SNU13: variants seen among roughly 807,000 people sequenced by gnomAD.
SNU13 encodes small nuclear ribonucleoprotein 13, also known as NHP2-like protein 1.
Under a neutral mutation model 12.4 loss-of-function variants are expected in SNU13, and 2 were observed. The observed-to-expected ratio is 0.16, with a 90% CI of 0.07 to 0.51. The LOEUF (loss-of-function observed/expected upper bound fraction) is 0.51. Among genes scored for constraint, SNU13 ranks in the 20% least tolerant of loss-of-function variants. SNU13 has a pLI of 0.96. For missense variants in SNU13, 66 were observed against 157.8 expected (o/e 0.42, Z 3.12); for synonymous variants, 68 against 66.5 (o/e 1.02, Z -0.11).
rs2068197665 is a variant in SNU13 at position 41,674,911 on chromosome 22, G to A, written c.*22C>T. ...ACCTCAGGGGGGAAGCTGGCAGGGAGCACGTGGCAGAGGCCACAGGTTTAG... is the reference window on the plus strand; with the variant it reads ...ACCTCAGGGGGGAAGCTGGCAGGGAACACGTGGCAGAGGCCACAGGTTTAG... On this transcript the variant is annotated 3_prime_UTR_variant, in exon 3 of 3. Coordinates refer to ENST00000401959, the MANE Select transcript of SNU13 (RefSeq NM_001003796.2). 6.2e-7 allele frequency: 1 copy of A among 1,605,000 alleles called. No homozygotes were observed. The highest frequency in any genetic ancestry group is 2.2e-5 in the East Asian group (1 of 44,652).
At chr22:41,688,916 C>A (rs182469753), upstream of SNU13, 1 of 1,456,940 alleles carries the variant, frequency 6.9e-7, no homozygotes, top group East Asian at 2.4e-5. Context: ...CGGCAGGAAG[C>A]GAAGGTGACG....
At chr22:41,678,159 T>G (rs985784462) in intron 2 of SNU13, among the ~76,000 whole-genome samples, 1 of 151,830 alleles carries the variant, frequency 6.6e-6, no homozygotes, top group Admixed American at 6.6e-5. Flanking sequence ...GTATTTTTGG[T>G]AGAGATGAGG....
intron 2 of SNU13, among the ~76,000 whole-genome samples, chr22:41,679,134 C>A (rs545264154): frequency 6.6e-6 from 1 of 152,076 alleles, no homozygotes. Flanking sequence ...GGCAGCCGGG[C>A]ACAGTGGCTC....
chr22:41,689,706 G>A (rs1430496613), upstream of SNU13, among the ~76,000 whole-genome samples: 4 of 151,616 alleles, frequency 2.6e-5, no homozygotes, highest in African/African-American at 4.8e-5. Flanking sequence ...GGCCGGGTGC[G>A]GTGGCTCACG....
chr22:41,682,262 T>G (rs1027980543), intron 1 of SNU13: 1 of 1,387,818 alleles, frequency 7.2e-7, no homozygotes, highest in Non-Finnish European at 1.0e-6. Context: ...TCCTTCCGTT[T>G]TTTTACAGCT....
intron 1 of SNU13, chr22:41,687,648 A>C (rs1189465732): frequency 6.6e-6 from 1 of 152,224 alleles, no homozygotes; most frequent in Admixed American, 6.5e-5. Flanking sequence ...TAGCATGATC[A>C]GTTTGGTTTC....
chr22:41,675,211 C>T lies in SNU13; in HGVS notation c.125-16G>A, dbSNP rs767291525. On this transcript the variant is annotated splice_polypyrimidine_tract_variant and intron_variant, in intron 2 of 2. Coordinates refer to ENST00000401959, the MANE Select transcript of SNU13 (RefSeq NM_001003796.2). ...GTTTTGGTGGCTGCGGAGAGAAGGA[C>T]GTGAAGCTAATAGGTGATGTGGGCT... is the stretch of plus-strand genomic sequence containing the variant. 12 of 1,610,042 alleles carry T rather than the reference C, an allele frequency of 7.5e-6. No individual in the cohort carries two copies. The East Asian group carries it at 1.8e-4, about 24-fold the overall frequency.
chr22:41,680,464 C>G, intron 1 of SNU13, 100 bp from the exon 2 acceptor site: 1 of 1,284,148 alleles, frequency 7.8e-7, no homozygotes, highest in South Asian at 1.4e-5. Flanking sequence ...GGGGCAGCTG[C>G]CCTGCTCCCT....
chr22:41,675,203 G>A lies in SNU13; in HGVS notation c.125-8C>T. 6.2e-7 allele frequency: 1 copy of A among 1,611,798 alleles called. No individual in the cohort carries two copies. The highest frequency in any genetic ancestry group is 1.1e-5 in the South Asian group (1 of 91,050). On this transcript the variant is annotated splice_polypyrimidine_tract_variant and splice_region_variant and intron_variant, in intron 2 of 2. Coordinates refer to ENST00000401959, the MANE Select transcript of SNU13 (RefSeq NM_001003796.2). ...TGTTGAGGGTTTTGGTGGCTGCGGAGAGAAGGACGTGAAGCTAATAGGTGA... is the reference window on the plus strand; with the variant it reads ...TGTTGAGGGTTTTGGTGGCTGCGGAAAGAAGGACGTGAAGCTAATAGGTGA...
intron 1 of SNU13, among the ~76,000 whole-genome samples, chr22:41,682,876 TG>T (rs1347601764): frequency 1.3e-5 from 2 of 152,174 alleles, no homozygotes; most frequent in Non-Finnish European, 2.9e-5. Context: ...CTCGAACTCC[TG>T]ATCTCAGGTC....
At position 41,675,199 on chromosome 22, in the gene SNU13, C is replaced by T. The variant is rs773723650; in HGVS notation, c.125-4G>A. ...CCCCTGTTGAGGGTTTTGGTGGCTG[C>T]GGAGAGAAGGACGTGAAGCTAATAG... On this transcript the variant is annotated splice_polypyrimidine_tract_variant and splice_region_variant and intron_variant, in intron 2 of 2. Transcript: ENST00000401959. The T allele has an allele frequency of 2.5e-5, 41 of 1,611,910 alleles. No homozygotes were observed. In the Admixed American group the frequency reaches 3.3e-4, roughly 13 times the overall value.
At chr22:41,680,491 A>G in intron 1 of SNU13, 127 bp from the exon 2 acceptor site, 1 of 913,214 alleles carries the variant, frequency 1.1e-6, no homozygotes, top group Non-Finnish European at 1.6e-6. Flanking sequence ...CAAACACACA[A>G]AACACCAGGT....
intron 1 of SNU13, chr22:41,682,285 C>A (rs374125580): frequency 6.7e-7 from 1 of 1,490,720 alleles, no homozygotes. Flanking sequence ...TCTGACACAG[C>A]GGGACCACGC....
upstream of SNU13, among the ~76,000 whole-genome samples, chr22:41,690,263 G>A (rs2068349179): frequency 6.6e-6 from 1 of 152,154 alleles, no homozygotes; most frequent in African/African-American, 2.4e-5. Context: ...GATAATAGAA[G>A]GACAGGCAGA....
At position 41,674,829 on chromosome 22, in the gene SNU13, A is replaced by G. The variant is rs1601567317; in HGVS notation, c.*104T>C. 4 of 1,447,250 alleles carry G rather than the reference A, an allele frequency of 2.8e-6. No individual in the cohort carries two copies. The East Asian group carries it at 6.9e-5, about 25-fold the overall frequency. 89.7% of individuals were successfully genotyped at this position (1,447,250 alleles called of 1,614,324 possible). A position where few individuals can be genotyped will look rare whatever the true frequency, so the allele number is the denominator to read the frequency against. Reference sequence around the variant, plus strand: ...GAAACCAGATTTAGTACTACATTTTATAACAATAGAGAGTAGCTGAAAATA... The same window carrying G: ...GAAACCAGATTTAGTACTACATTTTGTAACAATAGAGAGTAGCTGAAAATA... On this transcript the variant is annotated 3_prime_UTR_variant, in exon 3 of 3. Transcript: ENST00000401959.
intron 1 of SNU13, chr22:41,682,445 A>T: frequency 6.2e-7 from 1 of 1,609,184 alleles, no homozygotes; most frequent in African/African-American, 1.3e-5. Flanking sequence ...CACCGCAAGG[A>T]CACGGATGCC....
In SNU13 at chr22:41,674,928, C is replaced by T. The variant is rs1216774422; in HGVS notation, c.*5G>A. On this transcript the variant is annotated 3_prime_UTR_variant, in exon 3 of 3. Coordinates refer to ENST00000401959, the MANE Select transcript of SNU13 (RefSeq NM_001003796.2). The stretch of plus-strand genomic sequence containing the variant: ...GGCAGGGAGCACGTGGCAGAGGCCA[C>T]AGGTTTAGACTAAGAGCCTTTCAAT... 6.2e-7 allele frequency: 1 copy of T among 1,609,466 alleles called. No individual in the cohort carries two copies. Among genetic ancestry groups the T allele is most frequent in the African/African-American group, 1.3e-5 (1 of 74,808 alleles).
At chr22:41,677,287 G>A (rs943001246) in intron 2 of SNU13, among the ~76,000 whole-genome samples, 5 of 152,214 alleles carry the variant, frequency 3.3e-5, no homozygotes, top group African/African-American at 1.2e-4. Context: ...CCCACTGGGA[G>A]GCTGAGGCAG....
intron 2 of SNU13, among the ~76,000 whole-genome samples, chr22:41,676,206 A>C (rs894789765): frequency 1.3e-5 from 2 of 152,132 alleles, no homozygotes; most frequent in African/African-American, 4.8e-5. Flanking sequence ...AATCTGCCAT[A>C]ATCAATACTT....
Sources: gnomAD v4.1 joint callset for allele counts (sites outside exome capture counted in the v4.1 genomes callset) on GRCh38, gnomAD v4.1.1 for gene constraint, MANE v1.5 for transcripts, NCBI Gene and HGNC (gene_info 2026-07-23, HGNC 2026-07-21) for gene names.